The following RNF123 variants were observed in gnomAD, a reference collection of about 807,000 sequenced individuals.
The protein encoded by RNF123 is ring finger protein 123.
Under a neutral mutation model 168.5 loss-of-function variants are expected in RNF123, and 86 were observed. That is an observed-to-expected ratio of 0.51 (90% CI 0.43 to 0.61). The LOEUF (loss-of-function observed/expected upper bound fraction) is 0.61. Ranked by LOEUF, RNF123 falls within the 20% of genes least tolerant of loss-of-function variation. The pLI is 0.00. For synonymous variants in RNF123, 666 were observed against 689.1 expected, an observed-to-expected ratio of 0.97 and a Z score of 0.52; for missense variants, 1,419 against 1,729.7, an observed-to-expected ratio of 0.82 and a Z score of 3.19.
At position 49,698,820 on chromosome 3, in the gene RNF123, C is replaced by T. The variant is rs902470681; in HGVS notation, c.636C>T (p.Cys212=). The stretch of plus-strand genomic sequence containing the variant: ...TGGATGATGGCACTCTGTCCTTCTG[C>T]CTGTGAGTTTCCTATCTCTATGCAC... ...IDLDDGTLSF[C]LNGVSLGTAF... The change falls in exon 9 of 39, where the codon TGC becomes TGT. Residue 212 remains cysteine (C), a splice_region_variant and synonymous_variant. Transcript: ENST00000327697. The T allele has an allele frequency of 6.2e-7, 1 of 1,613,776 alleles. No homozygotes were observed. The highest frequency in any genetic ancestry group is 2.2e-5 in the East Asian group (1 of 44,884).
chr3:49,699,478 G>T lies in RNF123; in HGVS notation c.775G>T (p.Ala259Ser), dbSNP rs746345601. The T allele has an allele frequency of 2.2e-5, 35 of 1,603,418 alleles. No homozygotes were observed. The South Asian group carries it at 3.9e-4, about 18-fold the overall frequency. The change falls in exon 11 of 39, where the codon GCA (alanine) becomes TCA (serine). Residue 259 changes from alanine (A) to serine (S), a missense_variant. Coordinates refer to ENST00000327697, the MANE Select transcript of RNF123 (RefSeq NM_022064.5). The surrounding 1 kb of genome is among the most constrained non-coding windows in gnomAD (Gnocchi z 4.8). ...FGSRPLRYPVAGYRPLQDPPS... is the reference protein window; with the variant it reads ...FGSRPLRYPVSGYRPLQDPPS... ...GCTTAACTCTGGCACCTACCCAGTGGCAGGCTACCGGCCCCTGCAGGACCC... is the reference window on the plus strand; with the variant it reads ...GCTTAACTCTGGCACCTACCCAGTGTCAGGCTACCGGCCCCTGCAGGACCC...
At chr3:49,704,795 C>G (rs936203753) in intron 22 of RNF123, 39 bp downstream of exon 22, 1 of 1,526,810 alleles carries the variant, frequency 6.5e-7, no homozygotes, top group Non-Finnish European at 8.9e-7. Context: ...TTGTGTTGGG[C>G]TTATCCTGTA....
Position 49,705,652 on chromosome 3 carries a change from C to T in RNF123, c.2277C>T (p.Asn759=), listed in dbSNP as rs200858463. The T allele has an allele frequency of 6.2e-7, 1 of 1,614,190 alleles. No individual in the cohort carries two copies. Among genetic ancestry groups the T allele is most frequent in the African/African-American group, 1.3e-5 (1 of 75,048 alleles). Residue 759 remains asparagine (N), a synonymous_variant, in exon 24 of 39, where the codon AAC becomes AAT. Transcript: ENST00000327697. The part of the protein sequence containing the change: ...EVLDGAVMMY[N]LSVHQQLGKM... ...TGGATGGGGCGGTCATGATGTACAA[C>T]CTCAGCGTACACCAGCAGCTGGGCA...
chr3:49,700,529 C>T lies in RNF123; in HGVS notation c.1168C>T (p.Arg390Ter), dbSNP rs756933544. 2.5e-6 allele frequency: 4 copies of T among 1,614,188 alleles called. No homozygotes were observed. Among genetic ancestry groups the T allele is most frequent in the Admixed American group, 1.7e-5 (1 of 60,036 alleles). ...GATGATGTCTCTGCTTCGGCTGTAC[C>T]GATTCTCACCCATTGTCCCAGACCT... ...QLMMSLLRLY[R>*]FSPIVPDLGL... The change falls in exon 14 of 39, where the codon CGA becomes TGA. Residue 390 changes from arginine (R) to a stop codon, truncating the protein, a stop_gained. Transcript: ENST00000327697. LOFTEE classifies it high-confidence loss of function.
At chr3:49,717,563 GC>G in intron 35 of RNF123, 1 of 251,202 alleles carries the variant, frequency 4.0e-6, no homozygotes, top group East Asian at 1.1e-4. Context: ...TGGACGGGAG[GC>G]TCTGCTACAG....
chr3:49,716,354 C>T (rs752526900), intron 34 of RNF123, 39 bp from the exon 35 acceptor site: 31 of 1,596,388 alleles, frequency 1.9e-5, no homozygotes, highest in East Asian at 2.2e-5. Flanking sequence ...GAAGCAGGAG[C>T]ATGTGGGTGG....
intron 35 of RNF123, chr3:49,718,182 C>A: frequency 6.2e-7 from 1 of 1,613,140 alleles, no homozygotes; most frequent in Admixed American, 1.7e-5. Flanking sequence ...GTGCGCTCAG[C>A]TCTTGGAGCG....
chr3:49,704,800 C>T, intron 22 of RNF123, 44 bp downstream of exon 22: 1 of 1,517,096 alleles, frequency 6.6e-7, no homozygotes, highest in Non-Finnish European at 8.9e-7. Context: ...TTGGGCTTAT[C>T]CTGTATCTTA....
intron 5 of RNF123, 146 bp from the exon 6 acceptor site, chr3:49,697,739 C>A: frequency 1.0e-6 from 1 of 978,294 alleles, no homozygotes. Context: ...AGCCTACCCG[C>A]TCCCACCGTC....
rs377285213 is a variant in RNF123, at chr3:49,698,143, C to T, written c.483+6C>T. 2.7e-5 allele frequency: 43 copies of T among 1,612,818 alleles called. No homozygotes were observed. The Admixed American group carries it at 4.3e-4, about 16-fold the overall frequency. On this transcript the variant is annotated splice_donor_region_variant and intron_variant, in intron 7 of 38. Transcript: ENST00000327697. The stretch of plus-strand genomic sequence containing the variant: ...GCTGCCGCTTCAACCAGGAGGTACA[C>T]GTTGGGGAGGGGACCCCTCCCTGGG...
rs1419758243 is a variant in RNF123, at chr3:49,721,247, T to A, written c.3887T>A (p.Val1296Glu). The A allele has an allele frequency of 6.2e-7, 1 of 1,614,110 alleles. No homozygotes were observed. Among genetic ancestry groups the A allele is most frequent in the Non-Finnish European group, 8.5e-7 (1 of 1,180,040 alleles). ...KDCFFCKTTI[V>E]SVEDWEKGAN... is the part of the protein sequence containing the mutation. ...TGCTTCTTCTGCAAAACCACCATCG[T>A]GTCTGTAGAGGACTGGGAGAAGGGA... is the stretch of plus-strand genomic sequence containing the variant. Residue 1296 changes from valine to glutamate, a missense_variant, in exon 39 of 39, where the codon GTG (valine) becomes GAG (glutamate). Physicochemically the swap from Val to Glu is moderately radical, Grantham distance 121. This residue lies in a region of RNF123 where 50 missense variants were observed against 77.2 expected (regional missense o/e 0.65). Coordinates refer to ENST00000327697, the MANE Select transcript of RNF123 (RefSeq NM_022064.5).
rs755125163 is a variant in RNF123, at chr3:49,718,979, A to G, written c.3501-1532A>G. On this transcript the variant is annotated intron_variant, in intron 35 of 38. Transcript: ENST00000327697. ...GAGGCGAGTTCGTTGCAGCCCAGGT[A>G]GAGATGGCTGAGCGCGCGCAGGCCG... 6 of 1,613,850 alleles carry G rather than the reference A, an allele frequency of 3.7e-6. No homozygotes were observed. The South Asian group carries it at 5.5e-5, about 15-fold the overall frequency.
Position 49,718,510 on chromosome 3 carries a change from A to C in RNF123, c.3501-2001A>C. 1 of 1,613,124 alleles carries C rather than the reference A, an allele frequency of 6.2e-7. No homozygotes were observed. Among genetic ancestry groups the C allele is most frequent in the African/African-American group, 1.3e-5 (1 of 75,042 alleles). On this transcript the variant is annotated intron_variant, in intron 35 of 38. Coordinates refer to ENST00000327697, the MANE Select transcript of RNF123 (RefSeq NM_022064.5). ...GCCATCGCGGGATCCTGGCGCCCTG[A>C]GAAGCTCCTGCTGCGGCGAAACCCA...
At chr3:49,702,536 C>G (rs909267430) in intron 19 of RNF123, 97 bp from the exon 20 acceptor site, 5 of 1,607,616 alleles carry the variant, frequency 3.1e-6, no homozygotes, top group African/African-American at 1.3e-5. Flanking sequence ...GCTTTTCCCT[C>G]CCTGCTTAAC....
rs754925005 is a variant in RNF123 at position 49,720,809 on chromosome 3, A to C, written c.3653A>C (p.Tyr1218Ser). ...ACCTACCACTCCCCAGATGCGGATT[A>C]TATCAGTGCCGATGAGCTGGCCCAA... is the stretch of plus-strand genomic sequence containing the variant. The part of the protein sequence containing the change: ...KRFSLQSYAD[Y>S]ISADELAQVE... The change falls in exon 37 of 39, where the codon TAT becomes TCT. Residue 1218 changes from tyrosine (Y) to serine (S), a missense_variant. Physicochemically the swap from Tyr to Ser is moderately radical, Grantham distance 144. This residue lies in a region of RNF123 where 164 missense variants were observed against 152.3 expected (regional missense o/e 1.08). Transcript: ENST00000327697. The C allele has an allele frequency of 3.1e-6, 5 of 1,614,202 alleles. No individual in the cohort carries two copies. Among genetic ancestry groups the C allele is most frequent in the East Asian group, 2.2e-5 (1 of 44,882 alleles).
intron 35 of RNF123, chr3:49,719,176 AG>A (rs752992889): frequency 6.2e-7 from 1 of 1,613,470 alleles, no homozygotes; most frequent in Admixed American, 1.7e-5. Flanking sequence ...CAGCGCATCT[AG>A]TTCGTTGTGG....
intron 3 of RNF123, among the ~76,000 whole-genome samples, chr3:49,691,730 G>A (rs2108172274): frequency 6.6e-6 from 1 of 152,304 alleles, no homozygotes; most frequent in Admixed American, 6.5e-5. Flanking sequence ...TCAGGGAGCA[G>A]AGGTCAGGGA....
At chr3:49,705,255 G>C in intron 23 of RNF123, 73 bp downstream of exon 23, 1 of 1,504,384 alleles carries the variant, frequency 6.6e-7, no homozygotes. Context: ...TCCGGGCAAA[G>C]CCAAAATACA....
intron 35 of RNF123, chr3:49,718,207 G>T: frequency 6.2e-7 from 1 of 1,610,838 alleles, no homozygotes; most frequent in South Asian, 1.1e-5. Flanking sequence ...GGGTGTTTGG[G>T]GCCAGCGGCG....
Sources: allele counts gnomAD v4.1 joint callset (sites outside exome capture counted in the v4.1 genomes callset), GRCh38; gene constraint gnomAD v4.1.1; regional missense constraint gnomAD v4.1.1; non-coding constraint Gnocchi (gnomAD v3.1); transcripts MANE v1.5; gene names NCBI Gene and HGNC (gene_info 2026-07-23, HGNC 2026-07-21).